The following SLC37A1 variants were observed in gnomAD, a reference collection of about 807,000 sequenced individuals.
SLC37A1 encodes glucose-6-phosphate exchanger SLC37A1.
In SLC37A1, 49 loss-of-function variants were observed where a neutral mutation model predicts 75.3. The observed-to-expected ratio is 0.65, with a 90% CI of 0.52 to 0.83. The LOEUF is 0.83. Ranked by LOEUF, SLC37A1 falls within the 40% of genes least tolerant of loss-of-function variation. The pLI is 0.00. For missense variants in SLC37A1, 566 were observed against 695.0 expected (o/e 0.81, Z 2.09); for synonymous variants, 268 against 292.1 (o/e 0.92, Z 0.84).
chr21:42,506,365 T>C (rs1048504466), intron 2 of SLC37A1, among the ~76,000 whole-genome samples: 1 of 152,226 alleles, frequency 6.6e-6, no homozygotes, highest in South Asian at 2.1e-4. Context: ...AAAGGGACTT[T>C]GTGGTTCTCT....
At chr21:42,529,774 A>G (rs1325011013) in intron 3 of SLC37A1, among the ~76,000 whole-genome samples, 1 of 152,164 alleles carries the variant, frequency 6.6e-6, no homozygotes, top group Non-Finnish European at 1.5e-5. Flanking sequence ...TCCATATGCA[A>G]ATTAAGGCAA....
intron 15 of SLC37A1, 102 bp from the exon 16 acceptor site, chr21:42,566,883 T>G: frequency 1.7e-6 from 2 of 1,168,124 alleles, no homozygotes; most frequent in Middle Eastern, 2.2e-4. Flanking sequence ...TTCTGCTGCA[T>G]CCCCTCCCTG....
intron 15 of SLC37A1, among the ~76,000 whole-genome samples, chr21:42,566,349 C>T (rs952265805): frequency 1.2e-4 from 19 of 152,128 alleles, no homozygotes; most frequent in Admixed American, 1.2e-3. Flanking sequence ...GGGCAGGTGG[C>T]CCCCCAGCCA....
At chr21:42,554,258 C>A in intron 10 of SLC37A1, 116 bp downstream of exon 10, 1 of 880,628 alleles carries the variant, frequency 1.1e-6, no homozygotes, top group Non-Finnish European at 1.7e-6. Context: ...ACATCCAGGT[C>A]TTAAAAAAAT....
chr21:42,575,821 A>G (rs982342290), intron 18 of SLC37A1: 13 of 985,248 alleles, frequency 1.3e-5, no homozygotes, highest in African/African-American at 1.7e-5. Flanking sequence ...CCGACTCTCA[A>G]CCTATGAACT....
chr21:42,575,043 C>T (rs755314411), intron 18 of SLC37A1, 128 bp downstream of exon 18: 2 of 1,463,508 alleles, frequency 1.4e-6, no homozygotes, highest in Non-Finnish European at 1.8e-6. Flanking sequence ...CCCATCTTTT[C>T]TAAATATGCG....
chr21:42,525,906 A>G, intron 3 of SLC37A1, 49 bp downstream of exon 3: 1 of 1,439,970 alleles, frequency 6.9e-7, no homozygotes, highest in East Asian at 2.3e-5. Flanking sequence ...GGAGTTCGTC[A>G]CTTGAAAAGC....
chr21:42,547,945 G>A lies in SLC37A1; in HGVS notation c.768+805G>A, dbSNP rs1363155513. ...GAACAGCCCATCAGATCCCAGCAAC[G>A]TCACCCGGACACATAGGGTGGTCAG... is the stretch of plus-strand genomic sequence containing the variant. On this transcript the variant is annotated intron_variant, in intron 9 of 19. Coordinates refer to ENST00000352133, the MANE Select transcript of SLC37A1 (RefSeq NM_001320537.2). The surrounding 1 kb of genome is among the most constrained non-coding windows in gnomAD (Gnocchi z 6.1). 6.6e-6 allele frequency among the ~76,000 whole-genome samples: 1 copy of A among 152,180 alleles called. No homozygotes were observed. Among genetic ancestry groups the A allele is most frequent in the Non-Finnish European group, 1.5e-5 (1 of 68,002 alleles).
chr21:42,569,570 G>A (rs2056074565), intron 17 of SLC37A1, among the ~76,000 whole-genome samples: 1 of 124,878 alleles, frequency 8.0e-6, no homozygotes, highest in South Asian at 2.6e-4. Context: ...CTCGTGCCTT[G>A]AGTCTTTGCC....
At chr21:42,541,238 G>T (rs942605567) in intron 6 of SLC37A1, among the ~76,000 whole-genome samples, 4 of 152,226 alleles carry the variant, frequency 2.6e-5, no homozygotes, top group Non-Finnish European at 5.9e-5. Flanking sequence ...AGGCGGCAAT[G>T]CTTGCTCTCC....
Position 42,520,907 on chromosome 21 carries a change from A to C in SLC37A1, c.56+2397A>C, listed in dbSNP as rs117285788. 1.2e-3 allele frequency among the ~76,000 whole-genome samples: 178 copies of C among 152,376 alleles called. 3 individuals carry two copies. In the East Asian group the frequency reaches 0.031, roughly 27 times the overall value. On this transcript the variant is annotated intron_variant, in intron 2 of 19. Transcript: ENST00000352133. ...ACTCTGACTTGTCAAATCTAGGACA[A>C]TCTGAGATTTACAATAAATGAGACT...
At chr21:42,505,806 A>T (rs537448208) in intron 2 of SLC37A1, among the ~76,000 whole-genome samples, 53 of 152,304 alleles carry the variant, frequency 3.5e-4, no homozygotes, top group African/African-American at 1.3e-3. Context: ...CAGGTTAAGG[A>T]TTTAGGGGAA....
At chr21:42,526,061 G>A in intron 3 of SLC37A1, 1 of 504,694 alleles carries the variant, frequency 2.0e-6, no homozygotes, top group East Asian at 3.2e-5. Flanking sequence ...ACTTTCAGAG[G>A]TAGTAGACTT....
intron 17 of SLC37A1, among the ~76,000 whole-genome samples, chr21:42,570,060 G>A (rs1380726141): frequency 6.8e-6 from 1 of 147,388 alleles, no homozygotes; most frequent in African/African-American, 2.5e-5. Flanking sequence ...CGGCGGGCAG[G>A]GTGGCCGTTG....
intron 1 of SLC37A1, among the ~76,000 whole-genome samples, chr21:42,516,792 G>A (rs1405612520): frequency 6.6e-6 from 1 of 152,174 alleles, no homozygotes; most frequent in Non-Finnish European, 1.5e-5. Flanking sequence ...CAGACACGCT[G>A]GACATGGAGA....
chr21:42,572,695 T>TAAAAAAAAAAAAAAAAAA (rs1421400961), intron 17 of SLC37A1, among the ~76,000 whole-genome samples: 3 of 132,334 alleles, frequency 2.3e-5, no homozygotes, highest in Non-Finnish European at 4.9e-5. Flanking sequence ...AAAAAAAGAG[T>TAAAAAAAAAAAAAAAAAA]GTGTCCTGAG....
At chr21:42,542,299 G>A (rs1249340475) in intron 6 of SLC37A1, 105 bp from the exon 7 acceptor site, 10 of 820,754 alleles carry the variant, frequency 1.2e-5, no homozygotes, top group East Asian at 1.1e-4. Context: ...TCTGGCTGTC[G>A]TGCCCCCTGC....
chr21:42,552,266 T>C lies in SLC37A1; in HGVS notation c.769-1796T>C, dbSNP rs1426036294. Among the ~76,000 whole-genome samples the C allele has an allele frequency of 6.6e-6, 1 of 152,208 alleles. No individual in the cohort carries two copies. The highest frequency in any genetic ancestry group is 1.5e-5 in the Non-Finnish European group (1 of 68,038). ...ATTGGGTCCAAAACCCTGTATCAGT[T>C]GTGTCAAAATTAATGTTTTTATTAA... is the stretch of plus-strand genomic sequence containing the variant. On this transcript the variant is annotated intron_variant, in intron 9 of 19. Coordinates refer to ENST00000352133, the MANE Select transcript of SLC37A1 (RefSeq NM_001320537.2). This position sits in a 1 kb window ranked among gnomAD's most constrained non-coding sequence, Gnocchi z 4.2.
rs568381143 is a variant in SLC37A1, at chr21:42,546,583, G to A, written c.731-520G>A. On this transcript the variant is annotated intron_variant, in intron 8 of 19. Transcript: ENST00000352133. ...AAGTATTTTCCATATTTAAAGTAGCGTTCACGTTCACAGTGTTGGCACTGG... is the reference window on the plus strand; with the variant it reads ...AAGTATTTTCCATATTTAAAGTAGCATTCACGTTCACAGTGTTGGCACTGG... Among the ~76,000 whole-genome samples the A allele has an allele frequency of 3.3e-5, 5 of 152,260 alleles. No individual in the cohort carries two copies. In the South Asian group the frequency reaches 8.3e-4, roughly 25 times the overall value.
Sources: allele counts gnomAD v4.1 joint callset (sites outside exome capture counted in the v4.1 genomes callset), GRCh38; gene constraint gnomAD v4.1.1; non-coding constraint Gnocchi (gnomAD v3.1); transcripts MANE v1.5; gene names NCBI Gene and HGNC (gene_info 2026-07-23, HGNC 2026-07-21).